ARHGAP25: variants seen among roughly 807,000 people sequenced by gnomAD.
The protein encoded by ARHGAP25 is rho GTPase-activating protein 25.
ARHGAP25 carries 34 observed loss-of-function variants against 71.0 expected under a neutral mutation model. That is an observed-to-expected ratio of 0.48 (90% CI 0.36 to 0.64). The LOEUF (loss-of-function observed/expected upper bound fraction) is 0.64, where lower values mean the gene tolerates loss of function less well. ARHGAP25 is among the 30% of genes least tolerant of loss of function. The probability of loss-of-function intolerance (pLI) is 0.00; values close to 1 mark genes in which losing one functional copy is unlikely to be tolerated. For synonymous variants in ARHGAP25, 282 were observed against 296.5 expected, an observed-to-expected ratio of 0.95 and a Z score of 0.50; for missense variants, 706 against 805.1, an observed-to-expected ratio of 0.88 and a Z score of 1.49.
intron 8 of ARHGAP25, among the ~76,000 whole-genome samples, chr2:68,818,840 T>C (rs968166599): frequency 9.9e-5 from 15 of 152,248 alleles, no homozygotes; most frequent in African/African-American, 3.6e-4. Flanking sequence ...TTCTCTGCTG[T>C]TTTATTGCCT....
rs3749131 is a variant in ARHGAP25 at position 68,826,034 on chromosome 2, A to G, written c.1781A>G (p.Asn594Ser). ...YDVWAKVVRL[N>S]EELEKEKKKS... ...GTTTGGGCTAAAGTGGTGAGGCTCA[A>G]TGAAGAACTGGAGAAGGAAAAGAAG... The change falls in exon 11 of 11, where the codon AAT (asparagine) becomes AGT (serine). Residue 594 changes from asparagine to serine, a missense_variant. Coordinates refer to ENST00000409202, the MANE Select transcript of ARHGAP25 (RefSeq NM_001007231.3). 285 of 1,614,066 alleles carry G rather than the reference A, an allele frequency of 1.8e-4. 2 individuals are homozygous for G. In the East Asian group the frequency reaches 5.5e-3, roughly 31 times the overall value.
At chr2:68,765,279 G>A (rs1338108317) in intron 1 of ARHGAP25, among the ~76,000 whole-genome samples, 2 of 151,786 alleles carry the variant, frequency 1.3e-5, no homozygotes, top group Non-Finnish European at 2.9e-5. Flanking sequence ...GTGTCATTCC[G>A]CTGTGCTCTG....
chr2:68,796,335 G>A (rs963262950), intron 4 of ARHGAP25, among the ~76,000 whole-genome samples: 1 of 152,100 alleles, frequency 6.6e-6, no homozygotes, highest in African/African-American at 2.4e-5. Flanking sequence ...GGGATTTTGA[G>A]GAGTTTTTTT....
chr2:68,760,212 A>C (rs114916777), intron 1 of ARHGAP25, among the ~76,000 whole-genome samples: 7 of 152,158 alleles, frequency 4.6e-5, no homozygotes, highest in African/African-American at 1.4e-4. Context: ...TCATATGTAA[A>C]TAACCCACAG....
At position 68,767,153 on chromosome 2, in the gene ARHGAP25, G is replaced by T. The variant is rs1205478966; in HGVS notation, c.62-8068G>T. ...TTTAATTTCAGGGTACAGAGAGAAG[G>T]CTCCTTTGCTGTCATCAGTCTCACA... On this transcript the variant is annotated intron_variant, in intron 1 of 10. Transcript: ENST00000409202. This position sits in a 1 kb window ranked among gnomAD's most constrained non-coding sequence, Gnocchi z 4.6. Among the ~76,000 whole-genome samples, 2 of 152,208 alleles carry T rather than the reference G, an allele frequency of 1.3e-5. No individual in the cohort carries two copies. The highest frequency in any genetic ancestry group is 4.8e-5 in the African/African-American group (2 of 41,442).
At chr2:68,800,077 C>T (rs1331324972) in intron 4 of ARHGAP25, among the ~76,000 whole-genome samples, 1 of 152,112 alleles carries the variant, frequency 6.6e-6, no homozygotes, top group Non-Finnish European at 1.5e-5. Context: ...TTCACTTCTT[C>T]CACTAGAAGA....
At position 68,794,859 on chromosome 2, in the gene ARHGAP25, T is replaced by C. The variant is rs561334559; in HGVS notation, c.466+6903T>C. 2.0e-5 allele frequency among the ~76,000 whole-genome samples: 3 copies of C among 152,306 alleles called. No individual in the cohort carries two copies. In the South Asian group the frequency reaches 6.2e-4, roughly 32 times the overall value. On this transcript the variant is annotated intron_variant, in intron 4 of 10. Coordinates refer to ENST00000409202, the MANE Select transcript of ARHGAP25 (RefSeq NM_001007231.3). ...TTTCAGGAGGGTTGGTATTAGAACT[T>C]CTTTGTATGTTTGGTACAATTCAAC...
exon 2 of ARHGAP25, chr2:68,710,661 C>T (rs1484879848): frequency 6.6e-6 from 1 of 152,182 alleles, no homozygotes; most frequent in East Asian, 1.9e-4. Flanking sequence ...CTGGAACCCC[C>T]CGCTCCATCT....
At chr2:68,742,565 C>T (rs1675579047) in intron 1 of ARHGAP25, among the ~76,000 whole-genome samples, 1 of 152,188 alleles carries the variant, frequency 6.6e-6, no homozygotes, top group South Asian at 2.1e-4. Flanking sequence ...CTATGTCAAA[C>T]TTTAGCATAA....
chr2:68,722,666 A>C (rs1394763649), intron 2 of ARHGAP25, among the ~76,000 whole-genome samples: 1 of 152,148 alleles, frequency 6.6e-6, no homozygotes, highest in Non-Finnish European at 1.5e-5. Flanking sequence ...AGGTTAAGCA[A>C]CATGCCCAGG....
At chr2:68,732,413 T>TC (rs1213746485), upstream of ARHGAP25, among the ~76,000 whole-genome samples, 1 of 152,298 alleles carries the variant, frequency 6.6e-6, no homozygotes, top group East Asian at 1.9e-4. Context: ...GGTGTCGAAT[T>TC]CCCCCGTGGA....
intron 1 of ARHGAP25, among the ~76,000 whole-genome samples, chr2:68,761,033 G>T (rs529576810): frequency 2.0e-5 from 3 of 152,080 alleles, no homozygotes; most frequent in Non-Finnish European, 2.9e-5. Context: ...AGAATAGATT[G>T]TCTGGAATAG....
At chr2:68,748,746 G>A (rs76664128) in intron 1 of ARHGAP25, among the ~76,000 whole-genome samples, 2,008 of 152,278 alleles carry the variant, frequency 0.013, 15 homozygotes, top group Non-Finnish European at 0.021. Context: ...AGCTAATTTG[G>A]AACAGCATGT....
chr2:68,783,880 G>T (rs1678533961), intron 3 of ARHGAP25, among the ~76,000 whole-genome samples: 1 of 152,084 alleles, frequency 6.6e-6, no homozygotes, highest in Non-Finnish European at 1.5e-5. Context: ...TTCCACAAAG[G>T]TTATTCTGTT....
intron 4 of ARHGAP25, 145 bp downstream of exon 4, chr2:68,788,101 G>C: frequency 1.5e-6 from 1 of 663,258 alleles, no homozygotes. Flanking sequence ...CAAGTGCTCT[G>C]TCAAATGTGG....
intron 5 of ARHGAP25, among the ~76,000 whole-genome samples, chr2:68,812,918 G>A (rs1038667825): frequency 1.3e-5 from 2 of 152,178 alleles, no homozygotes; most frequent in Non-Finnish European, 2.9e-5. Flanking sequence ...GGATATAAAG[G>A]AGTTAACACA....
At chr2:68,742,534 G>GTGAGGAAGGGA (rs1675577602) in intron 1 of ARHGAP25, among the ~76,000 whole-genome samples, 1 of 152,192 alleles carries the variant, frequency 6.6e-6, no homozygotes, top group East Asian at 1.9e-4. Context: ...TGCAGTTATT[G>GTGAGGAAGGGA]TGAGGGTAAG....
At position 68,758,752 on chromosome 2, in the gene ARHGAP25, A is replaced by G. The variant is rs114877198; in HGVS notation, c.62-16469A>G. 4.8e-3 allele frequency among the ~76,000 whole-genome samples: 725 copies of G among 152,004 alleles called. 1 individual carries two copies. The highest frequency in any genetic ancestry group is 0.01 in the Middle Eastern group (3 of 294). On this transcript the variant is annotated intron_variant, in intron 1 of 10. Coordinates refer to ENST00000409202, the MANE Select transcript of ARHGAP25 (RefSeq NM_001007231.3). Reference sequence around the variant, plus strand: ...GAGGACTTGAACAACACAATAAACCAACTAGATCTAAGAGACATATACAGA... The same window carrying G: ...GAGGACTTGAACAACACAATAAACCGACTAGATCTAAGAGACATATACAGA...
At chr2:68,809,158 C>G (rs1359765064) in intron 5 of ARHGAP25, among the ~76,000 whole-genome samples, 1 of 152,128 alleles carries the variant, frequency 6.6e-6, no homozygotes, top group Non-Finnish European at 1.5e-5. Context: ...GGTCTTCTCT[C>G]TCCTATTCCA....
Sources: gnomAD v4.1 joint callset for allele counts (sites outside exome capture counted in the v4.1 genomes callset) on GRCh38, gnomAD v4.1.1 for gene constraint, Gnocchi (gnomAD v3.1) non-coding constraint, MANE v1.5 for transcripts, NCBI Gene and HGNC (gene_info 2026-07-23, HGNC 2026-07-21) for gene names.